PHLDB2: variants seen among roughly 807,000 people sequenced by gnomAD.
PHLDB2 encodes pleckstrin homology like domain family B member 2.
PHLDB2 carries 71 observed loss-of-function variants against 123.6 expected under a neutral mutation model. The observed-to-expected ratio is 0.57, with a 90% CI of 0.47 to 0.70. The LOEUF (loss-of-function observed/expected upper bound fraction) is 0.70. Among genes scored for constraint, PHLDB2 ranks in the 30% least tolerant of loss-of-function variants. The pLI is 0.00. For synonymous variants in PHLDB2, 547 were observed against 541.6 expected (o/e 1.01, Z -0.14); for missense variants, 1,446 against 1,519.5 (o/e 0.95, Z 0.80).
intron 2 of PHLDB2, among the ~76,000 whole-genome samples, chr3:111,888,007 A>G (rs2066273376): frequency 6.6e-6 from 1 of 152,124 alleles, no homozygotes; most frequent in African/African-American, 2.4e-5. Context: ...ATGGTTATTT[A>G]TGGTTAATTT....
chr3:111,839,926 GC>G (rs891239607), intron 1 of PHLDB2, among the ~76,000 whole-genome samples: 1 of 103,786 alleles, frequency 9.6e-6, no homozygotes, highest in African/African-American at 3.5e-5. Context: ...TTGTTTAAAA[GC>G]CCCCCACCCC....
At chr3:111,872,966 T>C (rs2065418613) in intron 1 of PHLDB2, among the ~76,000 whole-genome samples, 1 of 152,192 alleles carries the variant, frequency 6.6e-6, no homozygotes, top group Non-Finnish European at 1.5e-5. Context: ...CTTTTATACA[T>C]TCTAAACAGG....
At chr3:111,749,942 T>C (rs974529139) in intron 1 of PHLDB2, among the ~76,000 whole-genome samples, 2 of 152,210 alleles carry the variant, frequency 1.3e-5, no homozygotes, top group Non-Finnish European at 2.9e-5. Context: ...TGGGAACTCT[T>C]GTCCATTACA....
chr3:111,962,013 C>A, intron 12 of PHLDB2, 95 bp from the exon 13 acceptor site: 1 of 1,151,260 alleles, frequency 8.7e-7, no homozygotes, highest in Non-Finnish European at 1.3e-6. Flanking sequence ...GCTTCATAGG[C>A]AGATGTTTCT....
intron 8 of PHLDB2, among the ~76,000 whole-genome samples, chr3:111,942,613 T>C (rs934804048): frequency 6.6e-6 from 1 of 152,142 alleles, no homozygotes; most frequent in Non-Finnish European, 1.5e-5. Context: ...TTTTTGTTTT[T>C]TGTTGGTGAT....
intron 1 of PHLDB2, among the ~76,000 whole-genome samples, chr3:111,815,416 G>C (rs1299467225): frequency 6.6e-6 from 1 of 152,174 alleles, no homozygotes; most frequent in Non-Finnish European, 1.5e-5. Context: ...CTTTGACAAA[G>C]TGCTGATAAT....
At chr3:111,788,987 G>A (rs1180658824) in intron 1 of PHLDB2, among the ~76,000 whole-genome samples, 3 of 152,180 alleles carry the variant, frequency 2.0e-5, no homozygotes, top group Non-Finnish European at 1.5e-5. Flanking sequence ...AAGATCGTGG[G>A]TAGAGAAATG....
intron 2 of PHLDB2, among the ~76,000 whole-genome samples, chr3:111,899,119 A>G (rs954755156): frequency 6.6e-6 from 1 of 152,232 alleles, no homozygotes; most frequent in African/African-American, 2.4e-5. Flanking sequence ...GTTTAAAATA[A>G]AAAGACTTGA....
At chr3:111,916,587 G>T (rs866750853) in intron 3 of PHLDB2, 2 of 152,110 alleles carry the variant, frequency 1.3e-5, no homozygotes, top group Non-Finnish European at 2.9e-5. Context: ...GAAAACCTGA[G>T]AGTTACCAGT....
At chr3:111,915,351 T>C (rs1339648564) in intron 3 of PHLDB2, 1 of 152,244 alleles carries the variant, frequency 6.6e-6, no homozygotes, top group Non-Finnish European at 1.5e-5. Flanking sequence ...AATCATTATC[T>C]ACCTAGTGAG....
intron 6 of PHLDB2, among the ~76,000 whole-genome samples, chr3:111,934,497 A>G (rs191591602): frequency 6.6e-6 from 1 of 152,354 alleles, no homozygotes; most frequent in East Asian, 1.9e-4. Flanking sequence ...TAAAAAATAA[A>G]AGAATAAGAA....
chr3:111,972,324 T>G (rs1289311020), intron 16 of PHLDB2, among the ~76,000 whole-genome samples: 1 of 151,922 alleles, frequency 6.6e-6, no homozygotes, highest in Non-Finnish European at 1.5e-5. Flanking sequence ...AAGAAAAAAA[T>G]ATCGTCAATG....
chr3:111,955,989 AT>A (rs992465729), intron 12 of PHLDB2, among the ~76,000 whole-genome samples: 1 of 152,086 alleles, frequency 6.6e-6, no homozygotes, highest in African/African-American at 2.4e-5. Context: ...TTGCTTAAGA[AT>A]TTGAGACCAG....
intron 1 of PHLDB2, among the ~76,000 whole-genome samples, chr3:111,783,484 T>C (rs2060561884): frequency 1.3e-5 from 2 of 151,784 alleles, no homozygotes; most frequent in Non-Finnish European, 2.9e-5. Flanking sequence ...AAGAGAAACA[T>C]GAGCAAGGTA....
intron 1 of PHLDB2, among the ~76,000 whole-genome samples, chr3:111,768,156 G>C (rs2060114553): frequency 1.3e-5 from 2 of 152,124 alleles, no homozygotes; most frequent in South Asian, 4.1e-4. Context: ...CCTGGCCATT[G>C]ATATTCAGGC....
At chr3:111,972,964 T>G (rs1262713806) in intron 16 of PHLDB2, among the ~76,000 whole-genome samples, 1 of 152,222 alleles carries the variant, frequency 6.6e-6, no homozygotes, top group East Asian at 1.9e-4. Flanking sequence ...CTTCCACTAC[T>G]AGGGTATGAT....
intron 1 of PHLDB2, among the ~76,000 whole-genome samples, chr3:111,805,758 G>T (rs1369677601): frequency 6.7e-6 from 1 of 148,186 alleles, no homozygotes; most frequent in East Asian, 2.3e-4. Context: ...GTGGTGAGTG[G>T]GAGTGTTGAC....
At chr3:111,826,602 G>T (rs868348054) in intron 1 of PHLDB2, among the ~76,000 whole-genome samples, 7 of 152,330 alleles carry the variant, frequency 4.6e-5, no homozygotes, top group Admixed American at 6.5e-5. Context: ...TATCAGGTAA[G>T]TAGAGTTCTG....
intron 5 of PHLDB2, among the ~76,000 whole-genome samples, chr3:111,925,179 T>C (rs1282026212): frequency 1.3e-5 from 2 of 152,230 alleles, no homozygotes; most frequent in Non-Finnish European, 1.5e-5. Context: ...TTTTTGGCTC[T>C]GAAGATTGGT....
Sources: gnomAD v4.1 joint callset for allele counts (sites outside exome capture counted in the v4.1 genomes callset) on GRCh38, gnomAD v4.1.1 for gene constraint, MANE v1.5 for transcripts, NCBI Gene and HGNC (gene_info 2026-07-23, HGNC 2026-07-21) for gene names.